PCDH9: variants seen among roughly 807,000 people sequenced by gnomAD.
PCDH9 encodes protocadherin-9.
In PCDH9, 24 loss-of-function variants were observed where a neutral mutation model predicts 70.6. That is an observed-to-expected ratio of 0.34 (90% CI 0.25 to 0.48). The LOEUF is 0.48. Among genes scored for constraint, PCDH9 ranks in the 20% least tolerant of loss-of-function variants. PCDH9 has a pLI of 0.99. For missense variants in PCDH9, 1,281 were observed against 1,503.6 expected, an observed-to-expected ratio of 0.85 and a Z score of 2.45; for synonymous variants, 562 against 558.5, an observed-to-expected ratio of 1.01 and a Z score of -0.09.
At chr13:66,694,905 C>CTTTTT (rs367904882) in intron 3 of PCDH9, among the ~76,000 whole-genome samples, 1 of 141,768 alleles carries the variant, frequency 7.1e-6, no homozygotes, top group Admixed American at 7.1e-5. Context: ...CACTTACATA[C>CTTTTT]TTTTTTTTTT....
At chr13:66,619,314 A>G (rs945556878) in intron 4 of PCDH9, among the ~76,000 whole-genome samples, 1 of 152,190 alleles carries the variant, frequency 6.6e-6, no homozygotes, top group Middle Eastern at 3.2e-3. Context: ...ATGTTTTACT[A>G]TTAATTTTAT....
At chr13:66,897,341 T>C (rs1281983290) in intron 3 of PCDH9, among the ~76,000 whole-genome samples, 2 of 151,874 alleles carry the variant, frequency 1.3e-5, no homozygotes, top group Non-Finnish European at 1.5e-5. Context: ...AAAAGAGAGG[T>C]TGGATAACTT....
At chr13:66,346,831 A>G (rs1593837028) in intron 4 of PCDH9, among the ~76,000 whole-genome samples, 1 of 152,190 alleles carries the variant, frequency 6.6e-6, no homozygotes, top group East Asian at 1.9e-4. Context: ...GATGAATGCC[A>G]GTGGGCCCTC....
At chr13:66,398,387 G>T (rs1407368068) in intron 4 of PCDH9, among the ~76,000 whole-genome samples, 3 of 152,054 alleles carry the variant, frequency 2.0e-5, no homozygotes, top group African/African-American at 4.8e-5. Context: ...TTGGGTTTAG[G>T]TTTGAATCAG....
At chr13:67,116,747 G>T (rs951860731) in intron 2 of PCDH9, among the ~76,000 whole-genome samples, 1 of 152,118 alleles carries the variant, frequency 6.6e-6, no homozygotes, top group African/African-American at 2.4e-5. Context: ...AAATCATTAT[G>T]TTCCAGGTGA....
chr13:66,635,000 C>T (rs761341524), intron 3 of PCDH9, among the ~76,000 whole-genome samples: 1 of 152,094 alleles, frequency 6.6e-6, no homozygotes, highest in Non-Finnish European at 1.5e-5. Context: ...CCTTCCAGTA[C>T]ATATATAATG....
At chr13:67,207,474 A>G (rs1204578986) in intron 2 of PCDH9, 1 of 152,220 alleles carries the variant, frequency 6.6e-6, no homozygotes, top group Non-Finnish European at 1.5e-5. Context: ...ATTTGAATTA[A>G]TACATGTAAA....
intron 3 of PCDH9, among the ~76,000 whole-genome samples, chr13:66,791,155 A>T (rs952542953): frequency 1.3e-5 from 2 of 152,144 alleles, no homozygotes; most frequent in Non-Finnish European, 2.9e-5. Flanking sequence ...CATCTGTAAT[A>T]ATGCAAGAGT....
At chr13:67,143,389 A>G (rs2087444206) in intron 2 of PCDH9, among the ~76,000 whole-genome samples, 1 of 152,158 alleles carries the variant, frequency 6.6e-6, no homozygotes, top group Non-Finnish European at 1.5e-5. Context: ...GCTTTTGTAT[A>G]CTATTCCCTC....
intron 2 of PCDH9, among the ~76,000 whole-genome samples, chr13:67,074,846 A>T (rs1343634837): frequency 2.6e-5 from 4 of 152,134 alleles, no homozygotes; most frequent in African/African-American, 7.2e-5. Context: ...CAAAAAAGAA[A>T]TTTTTTAATA....
intron 3 of PCDH9, among the ~76,000 whole-genome samples, chr13:66,678,848 G>A (rs1415841839): frequency 2.6e-5 from 4 of 151,726 alleles, no homozygotes; most frequent in Non-Finnish European, 2.9e-5. Flanking sequence ...TACACTCTTA[G>A]TACACTTAGT....
intron 4 of PCDH9, among the ~76,000 whole-genome samples, chr13:66,403,095 C>CA (rs60896270): frequency 0.43 from 64,516 of 149,126 alleles, 14,415 homozygotes; most frequent in South Asian, 0.53. Flanking sequence ...AAGGAACTGT[C>CA]AAAAAAAAAG....
At chr13:66,314,952 A>G (rs1273890885) in intron 4 of PCDH9, among the ~76,000 whole-genome samples, 1 of 152,224 alleles carries the variant, frequency 6.6e-6, no homozygotes, top group Non-Finnish European at 1.5e-5. Flanking sequence ...GATTGTTGGT[A>G]GGCCTAATCT....
At chr13:66,508,185 T>C (rs1260770938) in intron 4 of PCDH9, among the ~76,000 whole-genome samples, 1 of 152,204 alleles carries the variant, frequency 6.6e-6, no homozygotes, top group East Asian at 1.9e-4. Flanking sequence ...GAGTATTAAC[T>C]GTTATTTGTA....
intron 4 of PCDH9, among the ~76,000 whole-genome samples, chr13:66,434,849 A>G (rs1157751660): frequency 6.6e-6 from 1 of 152,146 alleles, no homozygotes; most frequent in East Asian, 1.9e-4. Context: ...CTCTGAGTCT[A>G]TGAAACAAAA....
intron 3 of PCDH9, among the ~76,000 whole-genome samples, chr13:66,661,642 C>A (rs1160042666): frequency 6.6e-6 from 1 of 152,122 alleles, no homozygotes; most frequent in East Asian, 1.9e-4. Flanking sequence ...AAAACTCACA[C>A]AATTTTATCA....
chr13:66,674,602 C>T (rs929944778), intron 3 of PCDH9, among the ~76,000 whole-genome samples: 3 of 151,996 alleles, frequency 2.0e-5, no homozygotes, highest in Non-Finnish European at 4.4e-5. Context: ...AAGAACTTTT[C>T]ACTAAATGGG....
chr13:67,031,638 G>A (rs61959241), intron 2 of PCDH9, among the ~76,000 whole-genome samples: 39,067 of 152,048 alleles, frequency 0.26, 5,363 homozygotes, highest in African/African-American at 0.33. Context: ...AGCTGAGATC[G>A]TGCCACTGCA....
intron 2 of PCDH9, among the ~76,000 whole-genome samples, chr13:67,060,393 A>T (rs895652173): frequency 4.6e-5 from 7 of 151,916 alleles, no homozygotes; most frequent in Admixed American, 1.3e-4. Context: ...CAACTCTAGG[A>T]TTTCTTCAAC....
Sources: gnomAD v4.1 joint callset for allele counts (sites outside exome capture counted in the v4.1 genomes callset) on GRCh38, gnomAD v4.1.1 for gene constraint, MANE v1.5 for transcripts, NCBI Gene and HGNC (gene_info 2026-07-23, HGNC 2026-07-21) for gene names.